Variants in CTNNA3 observed in about 807,000 individuals in gnomAD.
The protein encoded by CTNNA3 is catenin alpha-3.
CTNNA3 carries 76 observed loss-of-function variants against 95.7 expected under a neutral mutation model. The observed-to-expected ratio is 0.79, with a 90% confidence interval of 0.66 to 0.96. The LOEUF is 0.96. Ranked by LOEUF, CTNNA3 falls within the 40% of genes least tolerant of loss-of-function variation. The pLI, the probability that CTNNA3 is intolerant of heterozygous loss-of-function variation, is 0.00. For missense variants in CTNNA3, 1,191 were observed against 1,089.8 expected, an observed-to-expected ratio of 1.09 and a Z score of -1.31; for synonymous variants, 431 against 374.4, an observed-to-expected ratio of 1.15 and a Z score of -1.74.
intron 11 of CTNNA3, among the ~76,000 whole-genome samples, chr10:66,494,215 A>T (rs2441744): frequency 0.073 from 11,073 of 152,176 alleles, 1,022 homozygotes; most frequent in East Asian, 0.45. Flanking sequence ...GCCAAACTAC[A>T]GTATTATTAA....
chr10:66,325,800 C>T (rs936784769), intron 12 of CTNNA3, among the ~76,000 whole-genome samples: 1 of 152,016 alleles, frequency 6.6e-6, no homozygotes, highest in Admixed American at 6.6e-5. Flanking sequence ...TAGTTATGTG[C>T]TCATATTAAA....
At chr10:66,174,944 C>A (rs909865994) in intron 13 of CTNNA3, among the ~76,000 whole-genome samples, 1 of 152,086 alleles carries the variant, frequency 6.6e-6, no homozygotes, top group South Asian at 2.1e-4. Flanking sequence ...CACACACAAG[C>A]AGTAGTAATG....
chr10:66,010,300 A>C (rs563233257), intron 15 of CTNNA3, among the ~76,000 whole-genome samples: 1 of 152,298 alleles, frequency 6.6e-6, no homozygotes, highest in South Asian at 2.1e-4. Context: ...GATGCTGGAT[A>C]TTAGAGAAGG....
intron 5 of CTNNA3, among the ~76,000 whole-genome samples, chr10:67,410,535 A>C (rs1845323652): frequency 1.3e-5 from 2 of 151,962 alleles, no homozygotes; most frequent in South Asian, 4.2e-4. Flanking sequence ...AATATAAAAA[A>C]TAGTGTTGGC....
intron 13 of CTNNA3, among the ~76,000 whole-genome samples, chr10:66,191,746 T>A (rs1266048594): frequency 2.0e-5 from 3 of 152,166 alleles, no homozygotes; most frequent in African/African-American, 7.2e-5. Context: ...TGAAAATGAC[T>A]CTTCTTTGGG....
chr10:67,143,174 T>C (rs370075225), intron 7 of CTNNA3, among the ~76,000 whole-genome samples: 4 of 151,772 alleles, frequency 2.6e-5, no homozygotes, highest in Admixed American at 6.6e-5. Context: ...CGGTGGCTCA[T>C]GCCTGTAATC....
intron 10 of CTNNA3, among the ~76,000 whole-genome samples, chr10:66,607,213 T>G (rs75850551): frequency 0.024 from 3,645 of 151,998 alleles, 87 homozygotes; most frequent in South Asian, 0.064. Context: ...ACAGACACCC[T>G]GCCAAGACAG....
chr10:66,282,365 C>G (rs982260883), intron 12 of CTNNA3, among the ~76,000 whole-genome samples: 7 of 151,754 alleles, frequency 4.6e-5, no homozygotes, highest in African/African-American at 1.7e-4. Flanking sequence ...CTGCCTGAAT[C>G]TTTTATAACA....
intron 2 of CTNNA3, among the ~76,000 whole-genome samples, chr10:67,611,604 C>T (rs1843460697): frequency 6.6e-6 from 1 of 152,254 alleles, no homozygotes; most frequent in Non-Finnish European, 1.5e-5. Context: ...GCGTGAGCCA[C>T]TGCGCCTGGC....
At chr10:67,562,718 G>A (rs1040128423) in intron 3 of CTNNA3, among the ~76,000 whole-genome samples, 15 of 152,186 alleles carry the variant, frequency 9.9e-5, no homozygotes, top group South Asian at 4.1e-4. Flanking sequence ...TGCAGATAAC[G>A]TGATAGTATA....
intron 12 of CTNNA3, among the ~76,000 whole-genome samples, chr10:66,334,934 T>C (rs1036506881): frequency 5.9e-5 from 9 of 152,106 alleles, no homozygotes; most frequent in Non-Finnish European, 1.0e-4. Context: ...TGTTTCTTTT[T>C]ATTCTTTTTT....
intron 12 of CTNNA3, among the ~76,000 whole-genome samples, chr10:66,317,534 G>A (rs9633543): frequency 0.3 from 44,958 of 151,580 alleles, 7,803 homozygotes; most frequent in Non-Finnish European, 0.39. Context: ...TTAGCTGGAC[G>A]TGGTGGTAGG....
At chr10:67,688,738 G>C (rs1466656037) in intron 1 of CTNNA3, among the ~76,000 whole-genome samples, 1 of 152,068 alleles carries the variant, frequency 6.6e-6, no homozygotes, top group African/African-American at 2.4e-5. Context: ...AACCACCCTT[G>C]GTCTTGGTTT....
At chr10:66,225,897 T>G (rs2089261020) in intron 13 of CTNNA3, among the ~76,000 whole-genome samples, 2 of 152,050 alleles carry the variant, frequency 1.3e-5, no homozygotes, top group Admixed American at 6.6e-5. Context: ...ATTCAGATAT[T>G]TTGCTCATTT....
chr10:66,899,674 G>A lies in CTNNA3; in HGVS notation c.1048-124150C>T, dbSNP rs527397170. 1.2e-4 allele frequency among the ~76,000 whole-genome samples: 18 copies of A among 152,252 alleles called. 1 individual carries two copies. In the South Asian group the frequency reaches 3.7e-3, roughly 32 times the overall value. On this transcript the variant is annotated intron_variant, in intron 7 of 17. Transcript: ENST00000433211. Reference sequence around the variant, plus strand: ...AATACTGTGCTTTTCAATGGTCTTAGCAACCGGCAGACCAGGCGATTCCCT... The same window carrying A: ...AATACTGTGCTTTTCAATGGTCTTAACAACCGGCAGACCAGGCGATTCCCT...
intron 1 of CTNNA3, among the ~76,000 whole-genome samples, chr10:67,751,624 T>G (rs1398971228): frequency 6.6e-6 from 1 of 151,940 alleles, no homozygotes; most frequent in African/African-American, 2.4e-5. Flanking sequence ...TAAAAACTGA[T>G]GAAGGAGATA....
intron 7 of CTNNA3, among the ~76,000 whole-genome samples, chr10:66,866,106 T>C (rs1844165308): frequency 6.6e-6 from 1 of 152,192 alleles, no homozygotes; most frequent in Non-Finnish European, 1.5e-5. Context: ...GAGAAAATGA[T>C]GTCCTGGGAA....
intron 10 of CTNNA3, among the ~76,000 whole-genome samples, chr10:66,568,099 T>A (rs1471774913): frequency 6.6e-6 from 1 of 152,152 alleles, no homozygotes; most frequent in Non-Finnish European, 1.5e-5. Flanking sequence ...AAAAAGCAGG[T>A]AGTAGGTAGC....
intron 11 of CTNNA3, among the ~76,000 whole-genome samples, chr10:66,408,058 C>T (rs951063812): frequency 1.3e-5 from 2 of 152,156 alleles, no homozygotes; most frequent in Non-Finnish European, 2.9e-5. Context: ...AACCTACGTG[C>T]ATCCTCACAT....
Sources: allele counts gnomAD v4.1 joint callset (sites outside exome capture counted in the v4.1 genomes callset), GRCh38; gene constraint gnomAD v4.1.1; transcripts MANE v1.5; gene names NCBI Gene and HGNC (gene_info 2026-07-23, HGNC 2026-07-21).